The following GRK3 variants were observed in gnomAD, a reference collection of about 807,000 sequenced individuals.
GRK3 encodes the protein adrenergic, beta, receptor kinase 2.
Under a neutral mutation model 95.7 loss-of-function variants are expected in GRK3, and 54 were observed. The observed-to-expected ratio is 0.56, with a 90% CI of 0.45 to 0.71. The LOEUF is 0.71. Among genes scored for constraint, GRK3 ranks in the 30% least tolerant of loss-of-function variants. The pLI, the probability that GRK3 is intolerant of heterozygous loss-of-function variation, is 0.00. For synonymous variants in GRK3, 281 were observed against 290.8 expected (o/e 0.97, Z 0.34); for missense variants, 649 against 851.2 (o/e 0.76, Z 2.96).
At chr22:25,611,693 G>A (rs922284216) in intron 2 of GRK3, among the ~76,000 whole-genome samples, 3 of 152,054 alleles carry the variant, frequency 2.0e-5, no homozygotes, top group Non-Finnish European at 4.4e-5. Flanking sequence ...GTTTATGTAT[G>A]ATTTACAAAT....
At chr22:25,632,565 A>G (rs565490623) in intron 2 of GRK3, among the ~76,000 whole-genome samples, 87 of 152,312 alleles carry the variant, frequency 5.7e-4, no homozygotes, top group African/African-American at 2.0e-3. Context: ...ACTCTTATAG[A>G]TCTTGTTGGA....
intron 3 of GRK3, among the ~76,000 whole-genome samples, chr22:25,651,659 C>A (rs2084831678): frequency 6.6e-6 from 1 of 152,100 alleles, no homozygotes; most frequent in African/African-American, 2.4e-5. Flanking sequence ...ATGTTATGTA[C>A]TAAATCTGAT....
rs2085493924 is a variant in GRK3 at position 25,728,773 on chromosome 22, A to T, written c.*6323A>T. The T allele has an allele frequency of 6.6e-6, 1 of 152,222 alleles. No individual in the cohort carries two copies. Among genetic ancestry groups the T allele is most frequent in the South Asian group, 2.1e-4 (1 of 4,822 alleles). 9.4% of individuals were successfully genotyped at this position (152,222 alleles called of 1,614,324 possible). On this transcript the variant is annotated 3_prime_UTR_variant, in exon 21 of 21. Coordinates refer to ENST00000324198, the MANE Select transcript of GRK3 (RefSeq NM_005160.4). ...GGGTCTTAAAGGTAAGCGCCCTCAT[A>T]CATGACTGAAACTTTGTGAGAGGTC...
At chr22:25,577,053 AC>A (rs1460940935) in intron 1 of GRK3, among the ~76,000 whole-genome samples, 12 of 152,196 alleles carry the variant, frequency 7.9e-5, no homozygotes, top group African/African-American at 2.9e-4. Flanking sequence ...ATGTTTTCTT[AC>A]CCCAAACATC....
intron 3 of GRK3, among the ~76,000 whole-genome samples, chr22:25,649,994 AT>A (rs112952125): frequency 0.2 from 28,964 of 144,524 alleles, 6,276 homozygotes; most frequent in African/African-American, 0.55. Flanking sequence ...GGTTGCATTG[AT>A]TTTTTTTTTT....
intron 13 of GRK3, among the ~76,000 whole-genome samples, chr22:25,700,292 C>T (rs775201494): frequency 6.6e-5 from 10 of 152,178 alleles, no homozygotes; most frequent in Admixed American, 1.3e-4. Flanking sequence ...GAAGATGCAT[C>T]CATGTTGCAA....
At chr22:25,710,697 A>G (rs2085337021) in intron 16 of GRK3, among the ~76,000 whole-genome samples, 1 of 152,204 alleles carries the variant, frequency 6.6e-6, no homozygotes, top group Admixed American at 6.5e-5. Context: ...TGCTCCCTCC[A>G]GGCCCCATTG....
rs2085403688 is a variant in GRK3, at chr22:25,718,369, G to C, written c.1779G>C (p.Glu593Asp). Residue 593 changes from glutamate to aspartate, a missense_variant, in exon 19 of 21, where the codon GAG becomes GAC. Physicochemically the swap from Glu to Asp is conservative, Grantham distance 45. Around this residue, in one of 3 missense-constraint regions of GRK3, gnomAD observed 382 missense variants for 493.8 expected, o/e 0.77. Transcript: ENST00000324198. The stretch of plus-strand genomic sequence containing the variant: ...CAAATAGACTTGAATGGAGAGGAGA[G>C]GGAGAGTCCCGGGTAAGTCTAAGGC... ...LFPNRLEWRG[E>D]GESRQNLLTM... The C allele has an allele frequency of 6.2e-7, 1 of 1,614,018 alleles. No individual in the cohort carries two copies. Among genetic ancestry groups the C allele is most frequent in the Admixed American group, 1.7e-5 (1 of 60,004 alleles).
At chr22:25,649,034 G>A in intron 3 of GRK3, 1 of 1,353,808 alleles carries the variant, frequency 7.4e-7, no homozygotes, top group Non-Finnish European at 1.1e-6. Context: ...CAGGTATGGT[G>A]AACCATGAAA....
chr22:25,704,601 G>C (rs571470408), intron 15 of GRK3, among the ~76,000 whole-genome samples: 3 of 152,134 alleles, frequency 2.0e-5, no homozygotes, highest in Non-Finnish European at 4.4e-5. Context: ...AGTAGAGACG[G>C]GGTTTTCCTA....
At chr22:25,674,881 A>G (rs999288350) in intron 8 of GRK3, among the ~76,000 whole-genome samples, 1 of 152,172 alleles carries the variant, frequency 6.6e-6, no homozygotes, top group Admixed American at 6.5e-5. Context: ...CCCGGGAGGC[A>G]GAGCTTGCAG....
intron 18 of GRK3, 72 bp downstream of exon 18, chr22:25,714,642 A>G: frequency 7.1e-7 from 1 of 1,401,490 alleles, no homozygotes; most frequent in Non-Finnish European, 9.6e-7. Flanking sequence ...AAGCTGAAAA[A>G]GTATTTGGGT....
chr22:25,632,037 G>T (rs980800645), intron 2 of GRK3, among the ~76,000 whole-genome samples: 4 of 152,140 alleles, frequency 2.6e-5, no homozygotes, highest in African/African-American at 9.7e-5. Flanking sequence ...ATTTCTATGT[G>T]ACTATAAGAG....
At chr22:25,631,964 TCCA>T (rs1259058132) in intron 2 of GRK3, among the ~76,000 whole-genome samples, 1 of 152,220 alleles carries the variant, frequency 6.6e-6, no homozygotes. Context: ...GGTTTATCCA[TCCA>T]CCAACTGAAC....
intron 1 of GRK3, among the ~76,000 whole-genome samples, chr22:25,585,690 G>A (rs1444132999): frequency 2.0e-5 from 3 of 152,264 alleles, no homozygotes; most frequent in African/African-American, 7.2e-5. Flanking sequence ...ACACTGCTGT[G>A]GGTGACTTTT....
intron 2 of GRK3, among the ~76,000 whole-genome samples, chr22:25,638,809 C>A (rs1047997243): frequency 3.3e-5 from 5 of 152,338 alleles, no homozygotes; most frequent in Non-Finnish European, 7.3e-5. Flanking sequence ...TCCTCCTCAG[C>A]AACTCATTGG....
intron 3 of GRK3, chr22:25,648,859 G>A: frequency 2.0e-6 from 2 of 1,020,464 alleles, no homozygotes; most frequent in Non-Finnish European, 3.1e-6. Flanking sequence ...GGTTTAGCAA[G>A]GTTAATTGAA....
Position 25,690,331 on chromosome 22 carries a change from T to C in GRK3, c.1052+48T>C, listed in dbSNP as rs776898868. The C allele has an allele frequency of 2.2e-5, 30 of 1,387,384 alleles. 1 individual carries two copies. The South Asian group carries it at 3.5e-4, about 16-fold the overall frequency. 85.9% of individuals were successfully genotyped at this position (1,387,384 alleles called of 1,614,324 possible). On this transcript the variant is annotated intron_variant, in intron 12 of 20. Coordinates refer to ENST00000324198, the MANE Select transcript of GRK3 (RefSeq NM_005160.4). ...TTCACCACCATTTCTCTCCTGCCCT[T>C]TCAAAGGCGTGGCCATTTGTCACCC...
In GRK3 at chr22:25,677,409, A is replaced by T. The variant is rs559883618; in HGVS notation, c.648-1407A>T. On this transcript the variant is annotated intron_variant, in intron 8 of 20. Transcript: ENST00000324198. ...AAAAAAAAAAAAAAAAAAGAAAAGG[A>T]AAAAAAAAGAAAAGAAATCAACTCC... 2.4e-4 allele frequency among the ~76,000 whole-genome samples: 35 copies of T among 146,688 alleles called. No homozygotes were observed. In the South Asian group the frequency reaches 5.7e-3, roughly 24 times the overall value.
Sources: allele counts gnomAD v4.1 joint callset (sites outside exome capture counted in the v4.1 genomes callset), GRCh38; gene constraint gnomAD v4.1.1; regional missense constraint gnomAD v4.1.1; transcripts MANE v1.5; gene names NCBI Gene and HGNC (gene_info 2026-07-23, HGNC 2026-07-21).